KIAA0825: variants seen among roughly 807,000 people sequenced by gnomAD.
KIAA0825 encodes uncharacterized protein KIAA0825.
Under a neutral mutation model 147.6 loss-of-function variants are expected in KIAA0825, and 119 were observed. The observed-to-expected ratio is 0.81, with a 90% CI of 0.69 to 0.94. The LOEUF is 0.94. Ranked by LOEUF, KIAA0825 falls within the 40% of genes least tolerant of loss-of-function variation. KIAA0825 has a pLI of 0.00. For synonymous variants in KIAA0825, 470 were observed against 518.1 expected (o/e 0.91, Z 1.26); for missense variants, 1,381 against 1,472.7 (o/e 0.94, Z 1.02).
intron 20 of KIAA0825, among the ~76,000 whole-genome samples, chr5:94,376,119 G>GTATTA (rs1747527408): frequency 1.3e-5 from 2 of 152,162 alleles, no homozygotes; most frequent in Non-Finnish European, 1.5e-5. Flanking sequence ...AGGATTTACA[G>GTATTA]TTAAATATGT....
At chr5:94,375,780 G>A (rs1324333157) in intron 20 of KIAA0825, among the ~76,000 whole-genome samples, 3 of 152,236 alleles carry the variant, frequency 2.0e-5, no homozygotes, top group East Asian at 3.9e-4. Flanking sequence ...CAACCAAAGC[G>A]AAAATTCAAA....
At chr5:94,169,507 G>A (rs1478611388) in intron 20 of KIAA0825, among the ~76,000 whole-genome samples, 4 of 151,328 alleles carry the variant, frequency 2.6e-5, no homozygotes, top group African/African-American at 4.9e-5. Flanking sequence ...ACTTGAGCCC[G>A]GGAGGCAGAG....
Position 94,190,155 on chromosome 5 carries a change from T to C in KIAA0825, c.3711-36031A>G, listed in dbSNP as rs188715296. 1.0e-3 allele frequency among the ~76,000 whole-genome samples: 158 copies of C among 152,354 alleles called. 1 individual carries two copies. Among genetic ancestry groups the C allele is most frequent in the African/African-American group, 3.5e-3 (147 of 41,586 alleles). On this transcript the variant is annotated intron_variant, in intron 20 of 20. Transcript: ENST00000682413. ...CCTGCAATCTTGCTAAATTTATTCA[T>C]TAGATTTAATACCTTTTTTGTGGAT...
chr5:94,209,112 T>C (rs1356437348), intron 20 of KIAA0825, among the ~76,000 whole-genome samples: 1 of 152,244 alleles, frequency 6.6e-6, no homozygotes, highest in African/African-American at 2.4e-5. Context: ...ATTTAAATTT[T>C]ATAATTTTAG....
At chr5:94,589,550 T>A (rs1783963285) in intron 1 of KIAA0825, among the ~76,000 whole-genome samples, 1 of 152,226 alleles carries the variant, frequency 6.6e-6, no homozygotes, top group Admixed American at 6.5e-5. Context: ...TTGTATATAA[T>A]TTCACTTATT....
intron 14 of KIAA0825, among the ~76,000 whole-genome samples, chr5:94,428,664 T>C (rs1402733081): frequency 1.3e-5 from 2 of 152,242 alleles, no homozygotes. Flanking sequence ...CCATTTTTTC[T>C]AGCTGCATTT....
intron 20 of KIAA0825, among the ~76,000 whole-genome samples, chr5:94,221,997 A>G (rs17376456): frequency 0.087 from 13,291 of 152,136 alleles, 733 homozygotes; most frequent in Middle Eastern, 0.14. Context: ...ATTTTCCTCT[A>G]TGATCTTACT....
At chr5:94,544,300 T>G (rs1773913009) in intron 2 of KIAA0825, among the ~76,000 whole-genome samples, 1 of 152,186 alleles carries the variant, frequency 6.6e-6, no homozygotes, top group Non-Finnish European at 1.5e-5. Context: ...TCAACTTTGT[T>G]GAGAAAACAT....
At chr5:94,532,797 A>T (rs1771086411) in intron 3 of KIAA0825, among the ~76,000 whole-genome samples, 1 of 150,544 alleles carries the variant, frequency 6.6e-6, no homozygotes, top group Non-Finnish European at 1.5e-5. Flanking sequence ...GGCCTCCCCA[A>T]GTATTGAGAT....
chr5:94,151,166 C>A lies in KIAA0825; in HGVS notation c.*2841G>T, dbSNP rs974852697. 4.0e-5 allele frequency among the ~76,000 whole-genome samples: 6 copies of A among 151,704 alleles called. No homozygotes were observed. The highest frequency in any genetic ancestry group is 7.4e-5 in the Non-Finnish European group (5 of 67,916). On this transcript the variant is annotated 3_prime_UTR_variant, in exon 21 of 21. Coordinates refer to ENST00000682413, the MANE Select transcript of KIAA0825 (RefSeq NM_001145678.3). ...GGCGCGGTGGCTCACGCCTGTAATC[C>A]CAGCACTTTGGGAGGCCGAGGCGGG...
At chr5:94,526,898 A>C (rs374281301) in intron 3 of KIAA0825, among the ~76,000 whole-genome samples, 1 of 151,994 alleles carries the variant, frequency 6.6e-6, no homozygotes, top group African/African-American at 2.4e-5. Flanking sequence ...CAATGTGCTA[A>C]GGGAGTACAC....
intron 13 of KIAA0825, among the ~76,000 whole-genome samples, chr5:94,446,624 C>T (rs914137246): frequency 6.6e-6 from 1 of 152,140 alleles, no homozygotes; most frequent in African/African-American, 2.4e-5. Context: ...GCAGAATTCA[C>T]AGAGTAGCAG....
chr5:94,598,645 C>T (rs1785742811), intron 1 of KIAA0825, among the ~76,000 whole-genome samples: 1 of 151,986 alleles, frequency 6.6e-6, no homozygotes, highest in Non-Finnish European at 1.5e-5. Context: ...ATGCTTTGTA[C>T]ATAATTATAT....
chr5:94,579,082 C>T (rs539486111), intron 2 of KIAA0825, among the ~76,000 whole-genome samples: 9 of 152,216 alleles, frequency 5.9e-5, no homozygotes, highest in Non-Finnish European at 8.8e-5. Flanking sequence ...CCACCACACC[C>T]GGCTAATTTT....
In KIAA0825 at chr5:94,153,986, G is replaced by A. The variant is rs1396710801; in HGVS notation, c.*21C>T. On this transcript the variant is annotated 3_prime_UTR_variant, in exon 21 of 21. Transcript: ENST00000682413. ...ACATGGGATTGTTTCCTAAAATAAA[G>A]CTGTTGCTGTTTTCTGCAGATTACT... 7 of 1,472,154 alleles carry A rather than the reference G, an allele frequency of 4.8e-6. No individual in the cohort carries two copies. The highest frequency in any genetic ancestry group is 1.2e-5 in the South Asian group (1 of 82,324). 91.2% of individuals were successfully genotyped at this position (1,472,154 alleles called of 1,614,324 possible). A position where few individuals can be genotyped will look rare whatever the true frequency, so the allele number is the denominator to read the frequency against.
chr5:94,333,055 C>T (rs1781448647), intron 20 of KIAA0825, among the ~76,000 whole-genome samples: 1 of 152,114 alleles, frequency 6.6e-6, no homozygotes, highest in Admixed American at 6.6e-5. Flanking sequence ...TATCCTTCAC[C>T]CGCTTTTTCA....
At position 94,152,840 on chromosome 5, in the gene KIAA0825, AAAAAAAAAAAAAAAATT is replaced by A. The variant is rs1766607893; in HGVS notation, c.*1150_*1166del. ...TAAAATGAAAAAAAAAAAAAAAAAA[AAAAAAAAAAAAAAAATT>A]ATATATATATATATATATATATATA... is the stretch of plus-strand genomic sequence containing the variant. On this transcript the variant is annotated 3_prime_UTR_variant, in exon 21 of 21. Transcript: ENST00000682413. The A allele has an allele frequency of 8.9e-5, 3 of 33,768 alleles. No individual in the cohort carries two copies. Among genetic ancestry groups the A allele is most frequent in the Non-Finnish European group, 1.7e-4 (3 of 17,184 alleles). 2.1% of individuals were successfully genotyped at this position (33,768 alleles called of 1,614,324 possible). A position where few individuals can be genotyped will look rare whatever the true frequency, so the allele number is the denominator to read the frequency against.
intron 20 of KIAA0825, among the ~76,000 whole-genome samples, chr5:94,346,967 C>G (rs545597851): frequency 3.8e-4 from 57 of 152,000 alleles, no homozygotes; most frequent in Non-Finnish European, 6.2e-4. Context: ...GGGCTGTTGT[C>G]GGGTCATGAT....
At chr5:94,533,694 C>T (rs920084611) in intron 3 of KIAA0825, among the ~76,000 whole-genome samples, 1 of 152,200 alleles carries the variant, frequency 6.6e-6, no homozygotes, top group Non-Finnish European at 1.5e-5. Context: ...ACTAATGATA[C>T]GGAGGTACAA....
Sources: gnomAD v4.1 joint callset for allele counts (sites outside exome capture counted in the v4.1 genomes callset) on GRCh38, gnomAD v4.1.1 for gene constraint, MANE v1.5 for transcripts, NCBI Gene and HGNC (gene_info 2026-07-23, HGNC 2026-07-21) for gene names.